TCF24: variants seen among roughly 807,000 people sequenced by gnomAD.
TCF24 encodes the protein transcription factor 24.
In TCF24, 5 loss-of-function variants were observed where a neutral mutation model predicts 9.3. That is an observed-to-expected ratio of 0.54 (90% confidence interval 0.28 to 1.13). TCF24 has a LOEUF of 1.13. Among genes scored for constraint, TCF24 ranks in the 50% most tolerant of loss-of-function variants. TCF24 has a pLI of 0.09. For synonymous variants in TCF24, 110 were observed against 115.8 expected, an observed-to-expected ratio of 0.95 and a Z score of 0.32; for missense variants, 220 against 236.1, an observed-to-expected ratio of 0.93 and a Z score of 0.45.
At chr8:66,957,199 C>T (rs1226037030) in intron 3 of TCF24, among the ~76,000 whole-genome samples, 18 of 150,824 alleles carry the variant, frequency 1.2e-4, no homozygotes, top group African/African-American at 4.1e-4. Context: ...GGTGGATCAC[C>T]TGAGGTCAGG....
intron 3 of TCF24, among the ~76,000 whole-genome samples, chr8:66,960,393 T>C (rs1814234337): frequency 1.3e-5 from 2 of 152,134 alleles, no homozygotes; most frequent in South Asian, 4.1e-4. Flanking sequence ...TACTTAAAGC[T>C]AAGTCTTAAG....
intron 3 of TCF24, chr8:66,955,106 C>G (rs1405931668): frequency 2.6e-5 from 4 of 152,954 alleles, no homozygotes; most frequent in African/African-American, 9.6e-5. Context: ...ATTCGGCCAT[C>G]TTGGCTCCTC....
At chr8:66,961,135 G>C (rs1022665990) in intron 3 of TCF24, among the ~76,000 whole-genome samples, 3 of 152,196 alleles carry the variant, frequency 2.0e-5, no homozygotes, top group Admixed American at 2.0e-4. Context: ...AGGCTTGCGA[G>C]ACTCTTACCA....
intron 3 of TCF24, among the ~76,000 whole-genome samples, chr8:66,949,302 G>T (rs1388413795): frequency 2.0e-5 from 3 of 151,236 alleles, no homozygotes; most frequent in African/African-American, 7.3e-5. Flanking sequence ...CCCCTTCCTG[G>T]GTCCATGTGA....
chr8:66,953,855 A>C (rs1427405781), intron 3 of TCF24, among the ~76,000 whole-genome samples: 1 of 151,546 alleles, frequency 6.6e-6, no homozygotes, highest in Non-Finnish European at 1.5e-5. Context: ...TTCATCTTCC[A>C]TTGCTGATAC....
At chr8:66,948,316 A>T (rs60293924) in intron 3 of TCF24, among the ~76,000 whole-genome samples, 152 bp from the exon 4 acceptor site, 19,391 of 152,214 alleles carry the variant, frequency 0.13, 2,451 homozygotes, top group African/African-American at 0.33. Flanking sequence ...AGAAACAACA[A>T]GAAAAAATGT....
intron 3 of TCF24, among the ~76,000 whole-genome samples, chr8:66,959,245 A>G (rs1037764584): frequency 6.6e-6 from 1 of 152,254 alleles, no homozygotes. Flanking sequence ...ATGGCCTTGA[A>G]ATATTTGTTA....
intron 3 of TCF24, among the ~76,000 whole-genome samples, chr8:66,954,403 C>T (rs2130899691): frequency 6.6e-6 from 1 of 152,240 alleles, no homozygotes; most frequent in South Asian, 2.1e-4. Flanking sequence ...AGTTAGGCTG[C>T]TCGGGGGTCA....
At chr8:66,949,696 G>A (rs1814025875) in intron 3 of TCF24, among the ~76,000 whole-genome samples, 1 of 152,068 alleles carries the variant, frequency 6.6e-6, no homozygotes, top group Admixed American at 6.5e-5. Flanking sequence ...TTCCCACAAT[G>A]GTTGAACTAG....
chr8:66,950,474 T>C (rs1814041534), intron 3 of TCF24, among the ~76,000 whole-genome samples: 2 of 152,116 alleles, frequency 1.3e-5, no homozygotes, highest in Admixed American at 6.6e-5. Flanking sequence ...CTCTGTACCA[T>C]GCTGTTTTGG....
Position 66,961,489 on chromosome 8 carries a change from G to C in TCF24, c.277C>G (p.Leu93Val), listed in dbSNP as rs1814252499. ...TKLSKLDVLL[L>V]ATTYIAHLTR... ...AGATGCGCGATGTAGGTGGTGGCCA[G>C]CAGCAGCACGTCCAGCTTGGACAGC... Residue 93 changes from leucine (L) to valine (V), a missense_variant, in exon 3 of 4, where the codon CTG becomes GTG. Physicochemically the swap from Leu to Val is conservative, Grantham distance 32. Transcript: ENST00000563496. 4 of 1,527,158 alleles carry C rather than the reference G, an allele frequency of 2.6e-6. No individual in the cohort carries two copies. Among genetic ancestry groups the C allele is most frequent in the Non-Finnish European group, 2.6e-6 (3 of 1,143,606 alleles). 94.6% of individuals were successfully genotyped at this position (1,527,158 alleles called of 1,614,324 possible).
chr8:66,957,637 C>G (rs995021350), intron 3 of TCF24, among the ~76,000 whole-genome samples: 1 of 151,924 alleles, frequency 6.6e-6, no homozygotes, highest in Non-Finnish European at 1.5e-5. Context: ...TTATGGCAGA[C>G]TAATACATAT....
At chr8:66,951,114 A>G (rs1172899946) in intron 3 of TCF24, among the ~76,000 whole-genome samples, 1 of 112,998 alleles carries the variant, frequency 8.8e-6, no homozygotes, top group Admixed American at 1.0e-4. Context: ...CCTGGCCAGA[A>G]CTTCCAACAC....
rs1394957436 is a variant in TCF24, at chr8:66,946,828, G to A, written c.*1223C>T. On this transcript the variant is annotated 3_prime_UTR_variant, in exon 4 of 4. Transcript: ENST00000563496. ...CACATAGTTTTTTCCCCAGTTAAAT[G>A]CTTTAAAAACTAGCCAAACTAATAA... 6.6e-6 allele frequency: 1 copy of A among 152,120 alleles called. No homozygotes were observed. Among genetic ancestry groups the A allele is most frequent in the African/African-American group, 2.4e-5 (1 of 41,436 alleles). The allele number at this position is 152,120 out of a possible 1,614,324, so 9.4% of individuals were successfully genotyped here.
intron 3 of TCF24, among the ~76,000 whole-genome samples, chr8:66,948,567 T>C (rs571904457): frequency 1.1e-4 from 16 of 152,362 alleles, no homozygotes; most frequent in Middle Eastern, 3.4e-3. Flanking sequence ...TTAGTATATG[T>C]GCTGCTGAAG....
chr8:66,955,234 A>G (rs185800922), intron 3 of TCF24: 8 of 152,328 alleles, frequency 5.3e-5, no homozygotes, highest in Non-Finnish European at 1.2e-4. Flanking sequence ...ATTTATTGCC[A>G]GACAGACATA....
rs1389016200 is a variant in TCF24 at position 66,961,586 on chromosome 8, G to A, written c.180C>T (p.Ser60=). 1.9e-5 allele frequency: 27 copies of A among 1,394,460 alleles called. No individual in the cohort carries two copies. Among genetic ancestry groups the A allele is most frequent in the Non-Finnish European group, 2.3e-5 (25 of 1,072,826 alleles). 86.4% of individuals were successfully genotyped at this position (1,394,460 alleles called of 1,614,324 possible). A position where few individuals can be genotyped will look rare whatever the true frequency, so the allele number is the denominator to read the frequency against. ...PAAANAARER[S]RVQTLRHAFL... ...AAGCGTGCCGCAGGGTCTGCACCCG[G>A]CTGCGCTCCCGCGCCGCATTCGCCG... Residue 60 remains serine, a synonymous_variant, in exon 3 of 4, where the codon AGC becomes AGT. Coordinates refer to ENST00000563496, the MANE Select transcript of TCF24 (RefSeq NM_001193502.2).
At chr8:66,959,635 T>A (rs1413215908) in intron 3 of TCF24, among the ~76,000 whole-genome samples, 1 of 152,224 alleles carries the variant, frequency 6.6e-6, no homozygotes, top group East Asian at 1.9e-4. Context: ...AGGGACTGAG[T>A]CTTATTAATT....
intron 3 of TCF24, among the ~76,000 whole-genome samples, chr8:66,960,894 C>CA (rs1410070564): frequency 6.6e-6 from 1 of 152,004 alleles, no homozygotes; most frequent in Non-Finnish European, 1.5e-5. Flanking sequence ...TTAGTTTTAC[C>CA]AAAAAATTTC....
Sources: gnomAD v4.1 joint callset for allele counts (sites outside exome capture counted in the v4.1 genomes callset) on GRCh38, gnomAD v4.1.1 for gene constraint, MANE v1.5 for transcripts, NCBI Gene and HGNC (gene_info 2026-07-23, HGNC 2026-07-21) for gene names.